Variants in MEGF9 observed in about 807,000 individuals in gnomAD.
MEGF9 encodes multiple epidermal growth factor-like domains protein 9.
MEGF9 carries 6 observed loss-of-function variants against 46.8 expected under a neutral mutation model. The observed-to-expected ratio is 0.13, with a 90% CI of 0.07 to 0.25. The LOEUF is 0.25. MEGF9 is among the 10% of genes least tolerant of loss of function. MEGF9 has a pLI of 1.00. For missense variants in MEGF9, 683 were observed against 792.4 expected, an observed-to-expected ratio of 0.86 and a Z score of 1.66; for synonymous variants, 302 against 330.7, an observed-to-expected ratio of 0.91 and a Z score of 0.94.
At chr9:120,648,884 T>A (rs1438137280) in intron 2 of MEGF9, among the ~76,000 whole-genome samples, 2 of 152,190 alleles carry the variant, frequency 1.3e-5, no homozygotes, top group Admixed American at 1.3e-4. Context: ...TCAGTTTACT[T>A]CATAAGTTTG....
intron 1 of MEGF9, among the ~76,000 whole-genome samples, chr9:120,668,818 CAGAT>C (rs2043736550): frequency 6.6e-6 from 1 of 152,172 alleles, no homozygotes; most frequent in African/African-American, 2.4e-5. Flanking sequence ...ATCTGAGTAT[CAGAT>C]AGATGAAACA....
chr9:120,695,603 C>CAA lies in MEGF9; in HGVS notation c.601+18153_601+18154dup, dbSNP rs370281228. ...TGGGTGACAGTGTGAGACCCCATCT[C>CAA]AAAAAAAAAAAAAAAAAAAAAAAAA... is the stretch of plus-strand genomic sequence containing the variant. On this transcript the variant is annotated intron_variant, in intron 1 of 5. Transcript: ENST00000373930. 3.5e-3 allele frequency among the ~76,000 whole-genome samples: 66 copies of CAA among 18,642 alleles called. 6 individuals carry two copies. The highest frequency in any genetic ancestry group is 4.5e-3 in the Non-Finnish European group (29 of 6,402). The allele number at this position is 18,642 out of a possible 152,430, so 12.2% of individuals were successfully genotyped here.
At chr9:120,644,663 A>C (rs1041924691) in intron 2 of MEGF9, among the ~76,000 whole-genome samples, 7 of 152,198 alleles carry the variant, frequency 4.6e-5, no homozygotes, top group Non-Finnish European at 4.4e-5. Context: ...GTAAAATAGA[A>C]TATATCACCT....
chr9:120,685,504 T>C (rs571747599), intron 1 of MEGF9, among the ~76,000 whole-genome samples: 34 of 152,308 alleles, frequency 2.2e-4, no homozygotes, highest in Middle Eastern at 3.4e-3. Context: ...AAACAGACTA[T>C]GGCTAAATGA....
In MEGF9 at chr9:120,675,449, C is replaced by T. The variant is rs1002107762; in HGVS notation, c.602-15874G>A. Among the ~76,000 whole-genome samples, 4 of 151,902 alleles carry T rather than the reference C, an allele frequency of 2.6e-5. No homozygotes were observed. In the East Asian group the frequency reaches 5.8e-4, roughly 22 times the overall value. ...ATATAAAAAATTTTTAAAAATTACT[C>T]CAGCATGGTGGCTCAGACCTGTGGT... is the stretch of plus-strand genomic sequence containing the variant. On this transcript the variant is annotated intron_variant, in intron 1 of 5. Coordinates refer to ENST00000373930, the MANE Select transcript of MEGF9 (RefSeq NM_001080497.3).
intron 1 of MEGF9, chr9:120,691,506 A>C (rs769653443): frequency 2.6e-6 from 1 of 379,548 alleles, no homozygotes; most frequent in South Asian, 2.0e-5. Context: ...AAATATGCAC[A>C]CTAGGCAAAA....
chr9:120,674,519 A>G (rs979781536), intron 1 of MEGF9, among the ~76,000 whole-genome samples: 2 of 152,182 alleles, frequency 1.3e-5, no homozygotes, highest in African/African-American at 2.4e-5. Context: ...CTCTAGTACA[A>G]TGTTGATGGG....
intron 1 of MEGF9, among the ~76,000 whole-genome samples, chr9:120,675,549 T>C (rs2043768834): frequency 6.6e-6 from 1 of 151,968 alleles, no homozygotes; most frequent in African/African-American, 2.4e-5. Flanking sequence ...GTTGTGATCA[T>C]GCCACTGTAC....
chr9:120,708,193 T>A (rs958246843), intron 1 of MEGF9, among the ~76,000 whole-genome samples: 1 of 151,964 alleles, frequency 6.6e-6, no homozygotes, highest in Non-Finnish European at 1.5e-5. Flanking sequence ...CCCTGTTTCT[T>A]CTAAAATACA....
intron 1 of MEGF9, among the ~76,000 whole-genome samples, chr9:120,670,511 C>G (rs1188984276): frequency 6.6e-6 from 1 of 152,142 alleles, no homozygotes; most frequent in Non-Finnish European, 1.5e-5. Flanking sequence ...TTCACTAAGT[C>G]CCTAGAACTG....
intron 1 of MEGF9, among the ~76,000 whole-genome samples, chr9:120,693,339 T>C (rs1212719689): frequency 1.3e-5 from 2 of 149,126 alleles, no homozygotes; most frequent in Non-Finnish European, 3.0e-5. Flanking sequence ...GATGATACCA[T>C]TGCAGATTGG....
chr9:120,611,644 G>A (rs949097009), intron 4 of MEGF9, among the ~76,000 whole-genome samples: 1 of 151,964 alleles, frequency 6.6e-6, no homozygotes, highest in Non-Finnish European at 1.5e-5. Flanking sequence ...CCTTTTGTTG[G>A]GGGAGGTGAT....
chr9:120,630,288 T>C (rs1229713442), intron 2 of MEGF9, among the ~76,000 whole-genome samples: 1 of 152,254 alleles, frequency 6.6e-6, no homozygotes, highest in African/African-American at 2.4e-5. Flanking sequence ...TTTCTGCATC[T>C]GTCTGACTTC....
intron 1 of MEGF9, among the ~76,000 whole-genome samples, chr9:120,692,118 G>A (rs1446111285): frequency 2.6e-5 from 4 of 152,130 alleles, no homozygotes; most frequent in African/African-American, 4.8e-5. Context: ...ACTTGCATTT[G>A]TGTATGAATC....
chr9:120,672,839 C>T (rs369574709), intron 1 of MEGF9, among the ~76,000 whole-genome samples: 1 of 152,058 alleles, frequency 6.6e-6, no homozygotes, highest in Non-Finnish European at 1.5e-5. Flanking sequence ...GCCTGACCAA[C>T]ATGGAGAAAC....
chr9:120,636,580 T>C (rs1391489518), intron 2 of MEGF9, among the ~76,000 whole-genome samples: 4 of 152,216 alleles, frequency 2.6e-5, no homozygotes, highest in Admixed American at 2.0e-4. Flanking sequence ...AAAAATCAAA[T>C]GTGACACATT....
chr9:120,617,974 GA>G (rs1013479667), intron 3 of MEGF9, among the ~76,000 whole-genome samples: 1 of 151,896 alleles, frequency 6.6e-6, no homozygotes, highest in African/African-American at 2.4e-5. Flanking sequence ...CTTATAAGTT[GA>G]AAAAAAAGTT....
intron 2 of MEGF9, among the ~76,000 whole-genome samples, chr9:120,642,020 C>G (rs1481015154): frequency 6.6e-6 from 1 of 152,178 alleles, no homozygotes; most frequent in South Asian, 2.1e-4. Context: ...ACCACAATGA[C>G]TAGGTCCATG....
intron 3 of MEGF9, among the ~76,000 whole-genome samples, chr9:120,617,327 C>T (rs1470787316): frequency 6.6e-6 from 1 of 152,100 alleles, no homozygotes; most frequent in East Asian, 1.9e-4. Flanking sequence ...TTCCTTATTC[C>T]TTTATTTATT....
Sources: gnomAD v4.1 joint callset for allele counts (sites outside exome capture counted in the v4.1 genomes callset) on GRCh38, gnomAD v4.1.1 for gene constraint, MANE v1.5 for transcripts, NCBI Gene and HGNC (gene_info 2026-07-23, HGNC 2026-07-21) for gene names.